Variants in MAGI2 observed in about 807,000 individuals in gnomAD.
MAGI2 encodes the protein membrane-associated guanylate kinase, WW and PDZ domain-containing protein 2.
Under a neutral mutation model 133.3 loss-of-function variants are expected in MAGI2, and 35 were observed. The ratio of observed to expected loss-of-function variants is 0.26; its 90% confidence interval spans 0.20 to 0.35. The LOEUF (loss-of-function observed/expected upper bound fraction) is 0.35. MAGI2 is among the 10% of genes least tolerant of loss of function. The pLI is 1.00. For missense variants in MAGI2, 1,636 were observed against 1,863.4 expected (o/e 0.88, Z 2.25); for synonymous variants, 729 against 710.6 (o/e 1.03, Z -0.41).
At chr7:79,273,158 A>G (rs1402279189) in intron 1 of MAGI2, among the ~76,000 whole-genome samples, 1 of 152,104 alleles carries the variant, frequency 6.6e-6, no homozygotes, top group Admixed American at 6.6e-5. Flanking sequence ...TCATACCAAG[A>G]TAACAGAGTC....
chr7:78,768,223 A>G (rs1181075201), intron 2 of MAGI2, among the ~76,000 whole-genome samples: 1 of 152,204 alleles, frequency 6.6e-6, no homozygotes, highest in Non-Finnish European at 1.5e-5. Context: ...CCTCACCTGT[A>G]GTCATTAACA....
intron 1 of MAGI2, among the ~76,000 whole-genome samples, chr7:79,054,289 C>A (rs536525429): frequency 6.6e-6 from 1 of 152,204 alleles, no homozygotes; most frequent in Non-Finnish European, 1.5e-5. Flanking sequence ...AGTAGGAAAT[C>A]ATAATTCAAA....
chr7:79,253,386 T>C (rs1158774148), intron 1 of MAGI2, among the ~76,000 whole-genome samples: 1 of 152,164 alleles, frequency 6.6e-6, no homozygotes, highest in African/African-American at 2.4e-5. Context: ...CTCATGCTTA[T>C]AATCCCAGCA....
intron 1 of MAGI2, among the ~76,000 whole-genome samples, chr7:79,137,823 G>A (rs1337423347): frequency 6.6e-6 from 1 of 151,920 alleles, no homozygotes; most frequent in Admixed American, 6.6e-5. Context: ...CACAACATAT[G>A]TCTATGTCTT....
chr7:78,563,585 C>T (rs543690962), intron 3 of MAGI2, among the ~76,000 whole-genome samples: 9 of 152,198 alleles, frequency 5.9e-5, no homozygotes, highest in Admixed American at 1.3e-4. Context: ...CATATGACCC[C>T]AGTCATCCAC....
intron 2 of MAGI2, among the ~76,000 whole-genome samples, chr7:78,955,615 T>C (rs1242112778): frequency 6.9e-6 from 1 of 144,698 alleles, no homozygotes; most frequent in Admixed American, 6.9e-5. Context: ...CTTCCCTCCC[T>C]CCCTTCCTTC....
chr7:78,377,254 A>G (rs1471068863), intron 6 of MAGI2, among the ~76,000 whole-genome samples: 1 of 152,110 alleles, frequency 6.6e-6, no homozygotes, highest in East Asian at 1.9e-4. Context: ...AGTTATATAT[A>G]AGTAGGGATG....
At chr7:78,431,799 G>GT (rs1223443308) in intron 6 of MAGI2, among the ~76,000 whole-genome samples, 18 of 151,686 alleles carry the variant, frequency 1.2e-4, no homozygotes, top group Middle Eastern at 3.4e-3. Context: ...GACTAGCAGT[G>GT]TTTTTTTTCA....
chr7:78,675,631 T>C (rs943512197), intron 2 of MAGI2, among the ~76,000 whole-genome samples: 2 of 152,124 alleles, frequency 1.3e-5, no homozygotes, highest in Non-Finnish European at 1.5e-5. Context: ...AGACATTGAA[T>C]CTGAATCTCA....
At chr7:78,666,757 CT>C (rs1813634933) in intron 2 of MAGI2, among the ~76,000 whole-genome samples, 2 of 152,188 alleles carry the variant, frequency 1.3e-5, no homozygotes, top group African/African-American at 4.8e-5. Context: ...GAAAATACTG[CT>C]CTCTTTACTT....
intron 2 of MAGI2, among the ~76,000 whole-genome samples, chr7:78,702,455 A>C (rs1379209979): frequency 6.6e-6 from 1 of 151,984 alleles, no homozygotes; most frequent in Non-Finnish European, 1.5e-5. Flanking sequence ...TAAATAGAAT[A>C]ATGTCTCATG....
Position 78,438,550 on chromosome 7 carries a change from C to A in MAGI2, c.1045+51211G>T, listed in dbSNP as rs1155677. On this transcript the variant is annotated intron_variant, in intron 6 of 21. Transcript: ENST00000354212. ...GTGTGTGCTGCGGTTCCTTTATGAG[C>A]GTGCTGTTTTACGGTGGAGATGCTA... Among the ~76,000 whole-genome samples the A allele has an allele frequency of 4.5e-3, 691 of 152,264 alleles. 3 individuals carry two copies. The highest frequency in any genetic ancestry group is 6.2e-3 in the Non-Finnish European group (424 of 68,032).
intron 2 of MAGI2, among the ~76,000 whole-genome samples, chr7:78,820,975 G>T (rs945331848): frequency 1.3e-5 from 2 of 151,844 alleles, no homozygotes; most frequent in Admixed American, 6.6e-5. Flanking sequence ...TCATAATAGA[G>T]AGATAATGTG....
Position 79,302,215 on chromosome 7 carries a change from A to G in MAGI2, c.301+150805T>C, listed in dbSNP as rs1300801693. ...TTTAATCCTTCTGGAGCTAGGATAC[A>G]AAGAAAAACAGGTAAGAAAGTTGGA... On this transcript the variant is annotated intron_variant, in intron 1 of 21. Coordinates refer to ENST00000354212, the MANE Select transcript of MAGI2 (RefSeq NM_012301.4). Among the ~76,000 whole-genome samples, 3 of 152,388 alleles carry G rather than the reference A, an allele frequency of 2.0e-5. No homozygotes were observed. The East Asian group carries it at 5.8e-4, about 29-fold the overall frequency.
intron 2 of MAGI2, among the ~76,000 whole-genome samples, chr7:78,867,742 G>A (rs1794695567): frequency 6.6e-6 from 1 of 152,078 alleles, no homozygotes; most frequent in Non-Finnish European, 1.5e-5. Flanking sequence ...AGAAGGTGGT[G>A]ATTGTCATGG....
intron 2 of MAGI2, among the ~76,000 whole-genome samples, chr7:78,838,829 C>T (rs1212788156): frequency 6.6e-6 from 1 of 151,906 alleles, no homozygotes; most frequent in Non-Finnish European, 1.5e-5. Flanking sequence ...GTAATTGTTT[C>T]CCTGTTAAGC....
chr7:79,388,515 G>T (rs2129148569), intron 1 of MAGI2, among the ~76,000 whole-genome samples: 1 of 152,002 alleles, frequency 6.6e-6, no homozygotes, highest in South Asian at 2.1e-4. Flanking sequence ...CATGGACATT[G>T]AATGGGCAAC....
chr7:79,166,363 A>G (rs1190754520), intron 1 of MAGI2, among the ~76,000 whole-genome samples: 2 of 152,094 alleles, frequency 1.3e-5, no homozygotes, highest in Admixed American at 1.3e-4. Context: ...ATAAGAAGGC[A>G]GGGACCCTGA....
At position 78,328,733 on chromosome 7, in the gene MAGI2, T is replaced by A. The variant is rs181782140; in HGVS notation, c.1408+15045A>T. 8.9e-4 allele frequency among the ~76,000 whole-genome samples: 135 copies of A among 152,178 alleles called. 3 individuals carry two copies. ...TTATACCTGTGGCAATCTAAGTAAT[T>A]TTTTCATACCAAATATTTTTCTTCT... On this transcript the variant is annotated intron_variant, in intron 9 of 21. Coordinates refer to ENST00000354212, the MANE Select transcript of MAGI2 (RefSeq NM_012301.4).
Sources: allele counts gnomAD v4.1 joint callset (sites outside exome capture counted in the v4.1 genomes callset), GRCh38; gene constraint gnomAD v4.1.1; transcripts MANE v1.5; gene names NCBI Gene and HGNC (gene_info 2026-07-23, HGNC 2026-07-21).